The following PRXL2C variants were observed in gnomAD, a reference collection of about 807,000 sequenced individuals.
PRXL2C encodes the protein peroxiredoxin-like 2C.
A neutral mutation model predicts 24.9 loss-of-function variants in PRXL2C; 38 were observed. The ratio of observed to expected loss-of-function variants is 1.53; its 90% CI spans 1.18 to 2.00. PRXL2C has a LOEUF of 2.00. PRXL2C is among the 30% of genes most tolerant of loss of function. The probability of loss-of-function intolerance (pLI) is 0.00; values close to 1 mark genes in which losing one functional copy is unlikely to be tolerated. For missense variants in PRXL2C, 294 were observed against 290.9 expected (o/e 1.01, Z -0.08); for synonymous variants, 98 against 117.2 (o/e 0.84, Z 1.06).
Position 96,641,681 on chromosome 9 carries a change from T to G in PRXL2C, c.*78A>C. On this transcript the variant is annotated 3_prime_UTR_variant, in exon 6 of 6. Coordinates refer to ENST00000375234, the MANE Select transcript of PRXL2C (RefSeq NM_153698.2). ...TGGGAAGGGACAGCAGGTTAGACAC[T>G]GCACGAGGATATTACACCCAGGCAT... The G allele has an allele frequency of 7.1e-7, 1 of 1,413,632 alleles. No individual in the cohort carries two copies. The highest frequency in any genetic ancestry group is 9.5e-7 in the Non-Finnish European group (1 of 1,056,570). 87.6% of individuals were successfully genotyped at this position (1,413,632 alleles called of 1,614,324 possible).
In PRXL2C at chr9:96,641,149, C is replaced by G. The variant is rs942456498; in HGVS notation, c.*610G>C. ...AAATTGTCCTATAATGTTTAAAGACCTTTTCCTGGCCCTACAATATTAATC... is the reference window on the plus strand; with the variant it reads ...AAATTGTCCTATAATGTTTAAAGACGTTTTCCTGGCCCTACAATATTAATC... On this transcript the variant is annotated 3_prime_UTR_variant, in exon 6 of 6. Transcript: ENST00000375234. 1 of 152,096 alleles carries G rather than the reference C, an allele frequency of 6.6e-6. No homozygotes were observed. The highest frequency in any genetic ancestry group is 6.5e-5 in the Admixed American group (1 of 15,272). 9.4% of individuals were successfully genotyped at this position (152,096 alleles called of 1,614,324 possible).
At position 96,640,900 on chromosome 9, in the gene PRXL2C, A is replaced by C. The variant is rs7046055; in HGVS notation, c.*859T>G. The C allele has an allele frequency of 6.6e-6, 1 of 151,536 alleles. No individual in the cohort carries two copies. Among genetic ancestry groups the C allele is most frequent in the Non-Finnish European group, 1.5e-5 (1 of 68,038 alleles). 9.4% of individuals were successfully genotyped at this position (151,536 alleles called of 1,614,324 possible). ...GCACACTGACCATATTTTTAAATACATATCTTAAATATCTAAAACAATTTT... is the reference window on the plus strand; with the variant it reads ...GCACACTGACCATATTTTTAAATACCTATCTTAAATATCTAAAACAATTTT... On this transcript the variant is annotated 3_prime_UTR_variant, in exon 6 of 6. Coordinates refer to ENST00000375234, the MANE Select transcript of PRXL2C (RefSeq NM_153698.2).
intron 5 of PRXL2C, among the ~76,000 whole-genome samples, chr9:96,643,360 C>T (rs930401545): frequency 6.6e-6 from 1 of 152,188 alleles, no homozygotes; most frequent in African/African-American, 2.4e-5. Context: ...GATTATCCTG[C>T]CTCAGCCTCC....
intron 2 of PRXL2C, among the ~76,000 whole-genome samples, chr9:96,653,994 C>T (rs901243073): frequency 2.6e-5 from 4 of 152,136 alleles, no homozygotes; most frequent in Non-Finnish European, 1.5e-5. Context: ...GCGCCCGCCA[C>T]CAAGCCCGGG....
chr9:96,655,104 C>T lies in PRXL2C; in HGVS notation c.178G>A (p.Val60Met), dbSNP rs760137490. 233 of 1,442,030 alleles carry T rather than the reference C, an allele frequency of 1.6e-4. No homozygotes were observed. In the Middle Eastern group the frequency reaches 2.7e-3, roughly 17 times the overall value. The allele number at this position is 1,442,030 out of a possible 1,614,324, so 89.3% of individuals were successfully genotyped here. Residue 60 changes from valine (V) to methionine (M), a missense_variant, in exon 1 of 6, where the codon GTG becomes ATG. Physicochemically the swap from Val to Met is conservative, Grantham distance 21. Coordinates refer to ENST00000375234, the MANE Select transcript of PRXL2C (RefSeq NM_153698.2). Reference sequence around the variant, plus strand: ...CGCCCGCTCACCCGCACGAACACCACCACGGCGCGGCGCTCCCGGAACAGC... The same window carrying T: ...CGCCCGCTCACCCGCACGAACACCATCACGGCGCGGCGCTCCCGGAACAGC... ...GALFRERRAV[V>M]VFVRHFLCYI...
intron 5 of PRXL2C, among the ~76,000 whole-genome samples, chr9:96,645,126 G>C (rs1848177048): frequency 6.6e-6 from 1 of 151,046 alleles, no homozygotes; most frequent in African/African-American, 2.4e-5. Flanking sequence ...AGCCAGGATG[G>C]TCTTGATCTC....
intron 2 of PRXL2C, among the ~76,000 whole-genome samples, chr9:96,652,499 G>A (rs1187485633): frequency 6.6e-6 from 1 of 150,518 alleles, no homozygotes; most frequent in African/African-American, 2.4e-5. Flanking sequence ...CCAGCCTGGG[G>A]GGCAGAATAA....
chr9:96,654,966 CG>C, intron 1 of PRXL2C, 123 bp downstream of exon 1: 1 of 1,261,124 alleles, frequency 7.9e-7, no homozygotes, highest in Non-Finnish European at 1.0e-6. Flanking sequence ...AGTTGGGAAG[CG>C]GCCGCGACTG....
chr9:96,647,056 C>G (rs1476566492), intron 4 of PRXL2C, among the ~76,000 whole-genome samples: 1 of 152,146 alleles, frequency 6.6e-6, no homozygotes, highest in East Asian at 1.9e-4. Context: ...TCCCAAAGTG[C>G]TGGGATTACA....
chr9:96,651,798 A>C (rs1848270486), intron 2 of PRXL2C, 86 bp from the exon 3 acceptor site: 1 of 1,164,792 alleles, frequency 8.6e-7, no homozygotes, highest in African/African-American at 1.5e-5. Context: ...CTTATGTTTC[A>C]TTCTAATGCC....
chr9:96,642,397 A>G (rs1389321257), intron 5 of PRXL2C, among the ~76,000 whole-genome samples: 1 of 152,236 alleles, frequency 6.6e-6, no homozygotes, highest in African/African-American at 2.4e-5. Flanking sequence ...GTTATAATAC[A>G]CTTAGATGTT....
At chr9:96,653,359 G>A (rs1848301153) in intron 2 of PRXL2C, among the ~76,000 whole-genome samples, 1 of 152,152 alleles carries the variant, frequency 6.6e-6, no homozygotes, top group Non-Finnish European at 1.5e-5. Flanking sequence ...CCAGGCACAG[G>A]AAGAAAAACA....
intron 5 of PRXL2C, among the ~76,000 whole-genome samples, chr9:96,645,066 C>G (rs1243516821): frequency 1.3e-5 from 2 of 151,200 alleles, no homozygotes; most frequent in Non-Finnish European, 1.5e-5. Context: ...GCCACCACGT[C>G]CGGCTAATTT....
intron 1 of PRXL2C, 98 bp from the exon 2 acceptor site, chr9:96,654,871 G>A: frequency 7.5e-7 from 1 of 1,325,030 alleles, no homozygotes; most frequent in South Asian, 1.5e-5. Flanking sequence ...GAGCAAAGGC[G>A]ACGCCCGCGG....
rs935623464 is a variant in PRXL2C at position 96,641,616 on chromosome 9, G to A, written c.*143C>T. The A allele has an allele frequency of 4.2e-6, 3 of 713,134 alleles. No individual in the cohort carries two copies. The highest frequency in any genetic ancestry group is 3.7e-5 in the Admixed American group (1 of 27,332). The allele number at this position is 713,134 out of a possible 1,614,324, so 44.2% of individuals were successfully genotyped here. On this transcript the variant is annotated 3_prime_UTR_variant, in exon 6 of 6. Coordinates refer to ENST00000375234, the MANE Select transcript of PRXL2C (RefSeq NM_153698.2). ...ATGCTTCCCAGCATGCAATTCAACAGGTTCAAGCCCCCTTTATGCTTCCCT... is the reference window on the plus strand; with the variant it reads ...ATGCTTCCCAGCATGCAATTCAACAAGTTCAAGCCCCCTTTATGCTTCCCT...
chr9:96,642,905 A>G (rs1383240907), intron 5 of PRXL2C, among the ~76,000 whole-genome samples: 2 of 152,154 alleles, frequency 1.3e-5, no homozygotes, highest in Non-Finnish European at 2.9e-5. Flanking sequence ...TCCTCATTCA[A>G]CAAACCACGG....
At position 96,640,508 on chromosome 9, in the gene PRXL2C, C is replaced by T. The variant is rs1330696139; in HGVS notation, c.*1251G>A. 13 of 96,314 alleles carry T rather than the reference C, an allele frequency of 1.3e-4. No individual in the cohort carries two copies. Among genetic ancestry groups the T allele is most frequent in the African/African-American group, 5.5e-4 (13 of 23,658 alleles). The allele number at this position is 96,314 out of a possible 1,614,324, so 6.0% of individuals were successfully genotyped here. ...CTCCAGCCTGGGCGACAGAGCAAGA[C>T]TCCATCTCAAAAAAAAAAAAAAAAA... On this transcript the variant is annotated 3_prime_UTR_variant, in exon 6 of 6. Transcript: ENST00000375234.
chr9:96,642,022 C>A, intron 5 of PRXL2C, 136 bp from the exon 6 acceptor site: 1 of 562,430 alleles, frequency 1.8e-6, no homozygotes. Flanking sequence ...ATTATATTCT[C>A]TATATAATGC....
rs1848095124 is a variant in PRXL2C, at chr9:96,640,162, G to T, written c.*1597C>A. On this transcript the variant is annotated 3_prime_UTR_variant, in exon 6 of 6. Coordinates refer to ENST00000375234, the MANE Select transcript of PRXL2C (RefSeq NM_153698.2). ...TCCCAAATAAGAGCAGTTTGAGGGT[G>T]AGAAATAGCAGTTCTCTAGGAATGC... The T allele has an allele frequency of 1.3e-5, 2 of 151,944 alleles. No homozygotes were observed. Among genetic ancestry groups the T allele is most frequent in the Admixed American group, 1.3e-4 (2 of 15,244 alleles). 9.4% of individuals were successfully genotyped at this position (151,944 alleles called of 1,614,324 possible).
Sources: allele counts gnomAD v4.1 joint callset (sites outside exome capture counted in the v4.1 genomes callset), GRCh38; gene constraint gnomAD v4.1.1; transcripts MANE v1.5; gene names NCBI Gene and HGNC (gene_info 2026-07-23, HGNC 2026-07-21).